Variants in AFAP1 observed in about 807,000 individuals in gnomAD.
The protein encoded by AFAP1 is actin filament associated protein 1.
Under a neutral mutation model 93.9 loss-of-function variants are expected in AFAP1, and 75 were observed. That is an observed-to-expected ratio of 0.80 (90% CI 0.66 to 0.97). AFAP1 has a LOEUF of 0.97. Ranked by LOEUF, AFAP1 falls within the 50% of genes least tolerant of loss-of-function variation. The pLI is 0.00. For synonymous variants in AFAP1, 517 were observed against 430.7 expected (o/e 1.20, Z -2.48); for missense variants, 1,201 against 1,050.8 (o/e 1.14, Z -1.98).
chr4:7,809,491 C>T (rs1164649042), intron 9 of AFAP1, 123 bp downstream of exon 9: 2 of 1,180,020 alleles, frequency 1.7e-6, no homozygotes, highest in African/African-American at 1.5e-5. Flanking sequence ...TGAATGATTC[C>T]AAGTCCAATG....
chr4:7,832,850 ATACT>A (rs1342578453), intron 6 of AFAP1, among the ~76,000 whole-genome samples: 2 of 152,186 alleles, frequency 1.3e-5, no homozygotes, highest in East Asian at 3.8e-4. Context: ...GAGAACCCAA[ATACT>A]TACAGTCAAC....
intron 1 of AFAP1, among the ~76,000 whole-genome samples, chr4:7,915,471 C>A (rs1244584783): frequency 9.5e-6 from 1 of 105,770 alleles, no homozygotes; most frequent in Non-Finnish European, 1.7e-5. Context: ...AGAGCAAAAC[C>A]CCATCTAAAA....
At chr4:7,784,132 C>A (rs188039279) in intron 12 of AFAP1, among the ~76,000 whole-genome samples, 1 of 152,128 alleles carries the variant, frequency 6.6e-6, no homozygotes, top group Non-Finnish European at 1.5e-5. Context: ...CAAGCCCCTA[C>A]CCAGGGGTGG....
intron 1 of AFAP1, among the ~76,000 whole-genome samples, chr4:7,914,055 ATTC>A (rs1228796417): frequency 6.7e-6 from 1 of 149,568 alleles, no homozygotes; most frequent in African/African-American, 2.5e-5. Context: ...GGAACTATAT[ATTC>A]TTTTTTTTTT....
chr4:7,897,764 T>C (rs1577343431), intron 1 of AFAP1, among the ~76,000 whole-genome samples: 1 of 152,084 alleles, frequency 6.6e-6, no homozygotes, highest in East Asian at 1.9e-4. Flanking sequence ...CCTCAGGTGA[T>C]CCGCCTGCCT....
At chr4:7,842,301 C>CAAAAAAAAAAAAAAAAAAAAATA in intron 5 of AFAP1, among the ~76,000 whole-genome samples, 1 of 94,898 alleles carries the variant, frequency 1.1e-5, no homozygotes, top group Non-Finnish European at 2.0e-5. Flanking sequence ...CCTGGATTTA[C>CAAAAAAAAAAAAAAAAAAAAATA]AAAAAAAAAA....
chr4:7,907,161 T>A (rs1719459244), intron 1 of AFAP1, among the ~76,000 whole-genome samples: 1 of 152,124 alleles, frequency 6.6e-6, no homozygotes, highest in South Asian at 2.1e-4. Flanking sequence ...AACAGTGAGT[T>A]CCCCTCCTCT....
chr4:7,770,174 C>T (rs1236829319), intron 16 of AFAP1, among the ~76,000 whole-genome samples: 1 of 152,168 alleles, frequency 6.6e-6, no homozygotes, highest in Admixed American at 6.5e-5. Context: ...AGCGGGGAAG[C>T]AGAGGCAGCA....
At position 7,770,707 on chromosome 4, in the gene AFAP1, A is replaced by G. The variant is rs548660148; in HGVS notation, c.2254-1699T>C. ...CTGGAGGTCAGGAAGGATGAGATCG[A>G]GGCACTGACCAGAGCCCAGGAAGCC... On this transcript the variant is annotated intron_variant, in intron 16 of 17. Transcript: ENST00000420658. Among the ~76,000 whole-genome samples the G allele has an allele frequency of 9.2e-5, 14 of 152,318 alleles. 1 individual carries two copies. The South Asian group carries it at 2.9e-3, about 32-fold the overall frequency.
At chr4:7,827,569 C>CAAAAAAAA (rs58075483) in intron 6 of AFAP1, among the ~76,000 whole-genome samples, 5,987 of 52,068 alleles carry the variant, frequency 0.11, 676 homozygotes, top group African/African-American at 0.13. Flanking sequence ...ACTCTGTCTC[C>CAAAAAAAA]AAAAAAAAAA....
chr4:7,789,591 C>A (rs190893776), intron 11 of AFAP1, among the ~76,000 whole-genome samples: 2 of 100,680 alleles, frequency 2.0e-5, no homozygotes, highest in African/African-American at 5.5e-5. Flanking sequence ...CGCTCCGCAC[C>A]AGCCGCTGCT....
chr4:7,903,765 T>C (rs1055197104), intron 1 of AFAP1, among the ~76,000 whole-genome samples: 6 of 152,090 alleles, frequency 3.9e-5, no homozygotes, highest in East Asian at 1.9e-4. Context: ...ACAAAAGCCT[T>C]TGTAAGCTGA....
chr4:7,772,684 A>T (rs1479613502), intron 16 of AFAP1, 136 bp downstream of exon 16: 1 of 751,762 alleles, frequency 1.3e-6, no homozygotes, highest in Non-Finnish European at 2.1e-6. Flanking sequence ...TAACACATGA[A>T]CTGTCTTCTG....
At chr4:7,862,169 C>G (rs1364721047) in intron 3 of AFAP1, 1 of 151,958 alleles carries the variant, frequency 6.6e-6, no homozygotes, top group Non-Finnish European at 1.5e-5. Flanking sequence ...CCCGTCTCCA[C>G]AAAAAATACA....
intron 1 of AFAP1, chr4:7,938,901 C>A (rs1381316931): frequency 6.6e-6 from 1 of 151,978 alleles, no homozygotes; most frequent in East Asian, 1.9e-4. Context: ...GGGGAGAGGA[C>A]GGTGCGGCCG....
At chr4:7,866,213 T>C (rs2149170442) in intron 3 of AFAP1, among the ~76,000 whole-genome samples, 1 of 151,946 alleles carries the variant, frequency 6.6e-6, no homozygotes, top group African/African-American at 2.4e-5. Context: ...TTGTTTTTTT[T>C]TGAGACAGAG....
chr4:7,834,904 G>A (rs1712100287), intron 6 of AFAP1, among the ~76,000 whole-genome samples: 1 of 151,702 alleles, frequency 6.6e-6, no homozygotes. Flanking sequence ...CTCTTGAATG[G>A]ACTGCGGGCA....
intron 2 of AFAP1, among the ~76,000 whole-genome samples, chr4:7,870,342 G>C (rs774809198): frequency 2.0e-5 from 3 of 152,148 alleles, no homozygotes; most frequent in Non-Finnish European, 4.4e-5. Flanking sequence ...GTCTGAGCAG[G>C]GAAGTAACAA....
At chr4:7,860,067 C>T (rs773723611) in intron 3 of AFAP1, among the ~76,000 whole-genome samples, 21 of 151,968 alleles carry the variant, frequency 1.4e-4, no homozygotes, top group Non-Finnish European at 2.4e-4. Flanking sequence ...TGCTCGAGCC[C>T]GGGAAGTCGA....
Sources: allele counts gnomAD v4.1 joint callset (sites outside exome capture counted in the v4.1 genomes callset), GRCh38; gene constraint gnomAD v4.1.1; transcripts MANE v1.5; gene names NCBI Gene and HGNC (gene_info 2026-07-23, HGNC 2026-07-21).